The following SLFN5 variants were observed in gnomAD, a reference collection of about 807,000 sequenced individuals.
SLFN5 encodes the protein schlafen family member 5.
SLFN5 carries 34 observed loss-of-function variants against 48.5 expected under a neutral mutation model. The observed-to-expected ratio is 0.70, with a 90% CI of 0.53 to 0.93. SLFN5 has a LOEUF of 0.93. SLFN5 is among the 40% of genes least tolerant of loss of function. The pLI, the probability that SLFN5 is intolerant of heterozygous loss-of-function variation, is 0.00. For missense variants in SLFN5, 1,006 were observed against 1,071.3 expected, an observed-to-expected ratio of 0.94 and a Z score of 0.85; for synonymous variants, 387 against 396.2, an observed-to-expected ratio of 0.98 and a Z score of 0.28.
Position 35,264,264 on chromosome 17 carries a change from TA to T in SLFN5, c.1223del (p.Asn408IlefsTer12). The T allele has an allele frequency of 2.5e-6, 4 of 1,614,204 alleles. No homozygotes were observed. The highest frequency in any genetic ancestry group is 3.4e-6 in the Non-Finnish European group (4 of 1,180,050). ...FSQHKGLRDL[I>X]NTEMRPFSQG... ...CAACATAAAGGACTCAGAGACTTAA[TA>T]AATACAGAAATGCGCCCTTTCTCTC... On this transcript the variant is annotated frameshift_variant, in exon 4 of 5. Transcript: ENST00000299977. LOFTEE classifies it high-confidence loss of function.
At chr17:35,256,911 G>A (rs1305049633) in intron 1 of SLFN5, among the ~76,000 whole-genome samples, 20 of 152,212 alleles carry the variant, frequency 1.3e-4, no homozygotes, top group Admixed American at 1.3e-3. Context: ...GTGAGTGTAA[G>A]TGAGCATTAC....
In SLFN5 at chr17:35,271,521, C is replaced by T. The variant is rs187048731; in HGVS notation, c.*5633C>T. ...AAAAAGATAAAATAATTAAGAATAA[C>T]TGCAACAAGAAAATATAAGTTCTGC... On this transcript the variant is annotated 3_prime_UTR_variant, in exon 5 of 5. Transcript: ENST00000299977. 8.6e-4 allele frequency: 131 copies of T among 152,164 alleles called. 1 individual carries two copies. Among genetic ancestry groups the T allele is most frequent in the African/African-American group, 3.1e-3 (127 of 41,538 alleles). 9.4% of individuals were successfully genotyped at this position (152,164 alleles called of 1,614,324 possible).
chr17:35,261,200 A>G (rs1226814805), intron 3 of SLFN5, 104 bp downstream of exon 3: 2 of 1,348,340 alleles, frequency 1.5e-6, no homozygotes, highest in Non-Finnish European at 2.0e-6. Context: ...CAGAGGTTTA[A>G]GGACTTAAAT....
At chr17:35,255,086 C>T (rs1047331351) in intron 1 of SLFN5, among the ~76,000 whole-genome samples, 1 of 152,046 alleles carries the variant, frequency 6.6e-6, no homozygotes, top group East Asian at 1.9e-4. Flanking sequence ...TTTCAATAAT[C>T]TATGAGGGGT....
At chr17:35,245,624 T>C (rs374849865) in intron 1 of SLFN5, among the ~76,000 whole-genome samples, 4 of 152,158 alleles carry the variant, frequency 2.6e-5, no homozygotes, top group African/African-American at 9.7e-5. Context: ...CTCAGCATCA[T>C]TGTTTTCAGA....
chr17:35,252,499 G>C (rs1395603767), intron 1 of SLFN5, among the ~76,000 whole-genome samples: 1 of 152,030 alleles, frequency 6.6e-6, no homozygotes, highest in Non-Finnish European at 1.5e-5. Flanking sequence ...ACATAATCCT[G>C]GAAAAATTCT....
chr17:35,258,852 T>C lies in SLFN5; in HGVS notation c.162T>C (p.Gly54=), dbSNP rs760917554. ...CAGTATGTGCTCTGCTGAATTCTGG[T>C]GGGGGCATAATCAAGGCTGAGATTG... The part of the protein sequence containing the change: ...LRAVCALLNS[G]GGIIKAEIEN... The change falls in exon 2 of 5, where the codon GGT becomes GGC. Residue 54 remains glycine (G), a synonymous_variant. Transcript: ENST00000299977. The C allele has an allele frequency of 1.4e-5, 23 of 1,614,112 alleles. No individual in the cohort carries two copies. Among genetic ancestry groups the C allele is most frequent in the Non-Finnish European group, 1.9e-5 (23 of 1,180,000 alleles).
At chr17:35,263,872 T>C (rs560288824) in intron 3 of SLFN5, among the ~76,000 whole-genome samples, 1 of 147,918 alleles carries the variant, frequency 6.8e-6, no homozygotes, top group East Asian at 2.1e-4. Flanking sequence ...TCAGCTCAGG[T>C]GTTTCCTTCT....
chr17:35,250,426 G>A (rs1187982389), intron 1 of SLFN5, among the ~76,000 whole-genome samples: 1 of 152,148 alleles, frequency 6.6e-6, no homozygotes, highest in Non-Finnish European at 1.5e-5. Context: ...TTGGGAGGCC[G>A]AGGCGGGCGG....
Position 35,264,821 on chromosome 17 carries a change from G to A in SLFN5, c.1777G>A (p.Glu593Lys). The A allele has an allele frequency of 6.3e-7, 1 of 1,596,594 alleles. No homozygotes were observed. The highest frequency in any genetic ancestry group is 2.2e-5 in the East Asian group (1 of 44,854). The change falls in exon 4 of 5, where the codon GAG (glutamate) becomes AAG (lysine). Residue 593 changes from glutamate to lysine, a missense_variant. Transcript: ENST00000299977. Reference sequence around the variant, plus strand: ...GACTATCTTGGCTCTTAGGATCATGGAGAAGATCAGGAATGTGTTTCACTG... The same window carrying A: ...GACTATCTTGGCTCTTAGGATCATGAAGAAGATCAGGAATGTGTTTCACTG... ...GKTILALRIM[E>K]KIRNVFHCEP...
intron 1 of SLFN5, among the ~76,000 whole-genome samples, chr17:35,248,281 C>T (rs555322919): frequency 2.2e-4 from 33 of 152,112 alleles, no homozygotes; most frequent in Non-Finnish European, 4.1e-4. Flanking sequence ...AATAAGATTT[C>T]TCAGGATGAA....
intron 1 of SLFN5, among the ~76,000 whole-genome samples, chr17:35,245,681 C>T (rs961094635): frequency 6.6e-6 from 1 of 152,112 alleles, no homozygotes; most frequent in Non-Finnish European, 1.5e-5. Flanking sequence ...CTTTTTATTA[C>T]GGTTGAGTAG....
At chr17:35,251,753 G>T (rs1210583749) in intron 1 of SLFN5, among the ~76,000 whole-genome samples, 1 of 106,932 alleles carries the variant, frequency 9.4e-6, no homozygotes, top group Admixed American at 1.3e-4. Flanking sequence ...TTGTTCTGTC[G>T]CCCACGCTGG....
At position 35,265,678 on chromosome 17, in the gene SLFN5, G is replaced by T. The variant is rs769059741; in HGVS notation, c.2466G>T (p.Glu822Asp). Residue 822 changes from glutamate (E) to aspartate (D), a missense_variant, in exon 5 of 5, where the codon GAG becomes GAT. Coordinates refer to ENST00000299977, the MANE Select transcript of SLFN5 (RefSeq NM_144975.4). ...GAAAACTGTCTCAGCTCCATGAGGA[G>T]TCTGATCTGTTACTACAGATCGGTG... ...RKRKLSQLHE[E>D]SDLLLQIGDA... 16 of 1,614,070 alleles carry T rather than the reference G, an allele frequency of 9.9e-6. 1 individual carries two copies. In the African/African-American group the frequency reaches 1.7e-4, roughly 17 times the overall value.
In SLFN5 at chr17:35,264,339, A is replaced by G; in HGVS notation, c.1295A>G (p.Gln432Arg). Residue 432 changes from glutamine (Q) to arginine (R), a missense_variant, in exon 4 of 5, where the codon CAA becomes CGA. By Grantham distance (43) the Gln-to-Arg change is conservative. Coordinates refer to ENST00000299977, the MANE Select transcript of SLFN5 (RefSeq NM_144975.4). ...AGCTGGGCTGTGGATTTAGGTCTGC[A>G]AGAGAAGCAGGGAGTCATCTGTGAT... is the stretch of plus-strand genomic sequence containing the variant. ...SQSWAVDLGLQEKQGVICDAL... is the reference protein window; with the variant it reads ...SQSWAVDLGLREKQGVICDAL... 6.2e-7 allele frequency: 1 copy of G among 1,614,202 alleles called. No individual in the cohort carries two copies. The highest frequency in any genetic ancestry group is 8.5e-7 in the Non-Finnish European group (1 of 1,180,042).
rs905859422 is a variant in SLFN5 at position 35,267,433 on chromosome 17, T to A, written c.*1545T>A. 6.6e-6 allele frequency: 1 copy of A among 152,208 alleles called. No homozygotes were observed. Among genetic ancestry groups the A allele is most frequent in the African/African-American group, 2.4e-5 (1 of 41,428 alleles). 9.4% of individuals were successfully genotyped at this position (152,208 alleles called of 1,614,324 possible). A position where few individuals can be genotyped will look rare whatever the true frequency, so the allele number is the denominator to read the frequency against. On this transcript the variant is annotated 3_prime_UTR_variant, in exon 5 of 5. Coordinates refer to ENST00000299977, the MANE Select transcript of SLFN5 (RefSeq NM_144975.4). ...AAGGTTGGGCATGGTGGCTCATGCT[T>A]GTGATCCCAGGACTTTAGGAGGCCA...
chr17:35,259,347 T>C lies in SLFN5; in HGVS notation c.657T>C (p.Phe219=), dbSNP rs1372101914. 1.2e-6 allele frequency: 2 copies of C among 1,614,062 alleles called. No individual in the cohort carries two copies. Among genetic ancestry groups the C allele is most frequent in the Non-Finnish European group, 1.7e-6 (2 of 1,180,050 alleles). The part of the protein sequence containing the change: ...KDRLPKCVSA[F]ANTEGGYVFF... ...GACTTCCGAAGTGTGTTTCTGCATTTGCAAATACTGAAGGAGGATATGTAT... is the reference window on the plus strand; with the variant it reads ...GACTTCCGAAGTGTGTTTCTGCATTCGCAAATACTGAAGGAGGATATGTAT... Residue 219 remains phenylalanine (F), a synonymous_variant, in exon 2 of 5, where the codon TTT becomes TTC. Coordinates refer to ENST00000299977, the MANE Select transcript of SLFN5 (RefSeq NM_144975.4).
chr17:35,255,060 A>C (rs1270425194), intron 1 of SLFN5, among the ~76,000 whole-genome samples: 1 of 152,192 alleles, frequency 6.6e-6, no homozygotes, highest in Non-Finnish European at 1.5e-5. Flanking sequence ...TGGATTTTAA[A>C]AAACTCACTA....
At chr17:35,258,213 A>G (rs2142697646) in intron 1 of SLFN5, among the ~76,000 whole-genome samples, 1 of 152,320 alleles carries the variant, frequency 6.6e-6, no homozygotes, top group Non-Finnish European at 1.5e-5. Flanking sequence ...CACTGCTGTT[A>G]AAGACATACC....
Sources: gnomAD v4.1 joint callset for allele counts (sites outside exome capture counted in the v4.1 genomes callset) on GRCh38, gnomAD v4.1.1 for gene constraint, MANE v1.5 for transcripts, NCBI Gene and HGNC (gene_info 2026-07-23, HGNC 2026-07-21) for gene names.